The following CCDC62 variants were observed in gnomAD, a reference collection of about 807,000 sequenced individuals.
CCDC62 encodes coiled-coil domain-containing protein 62.
A neutral mutation model predicts 80.8 loss-of-function variants in CCDC62; 72 were observed. That is an observed-to-expected ratio of 0.89 (90% confidence interval 0.74 to 1.08). CCDC62 has a LOEUF of 1.08. Ranked by LOEUF, CCDC62 falls within the 50% of genes least tolerant of loss-of-function variation. The probability of loss-of-function intolerance (pLI) is 0.00; values close to 1 mark genes in which losing one functional copy is unlikely to be tolerated. For synonymous variants in CCDC62, 286 were observed against 296.5 expected (o/e 0.96, Z 0.36); for missense variants, 704 against 809.4 (o/e 0.87, Z 1.58).
chr12:122,818,118 G>A (rs1456390058), intron 11 of CCDC62, among the ~76,000 whole-genome samples: 1 of 151,784 alleles, frequency 6.6e-6, no homozygotes, highest in Non-Finnish European at 1.5e-5. Context: ...GTTCTGCTGG[G>A]GCAACATACC....
At chr12:122,788,678 A>G (rs2030414888) in intron 4 of CCDC62, 80 bp from the exon 5 acceptor site, 1 of 877,846 alleles carries the variant, frequency 1.1e-6, no homozygotes, top group Non-Finnish European at 1.8e-6. Flanking sequence ...GGCACACGAT[A>G]AGATCTTAGT....
Position 122,801,304 on chromosome 12 carries a change from G to A in CCDC62, c.1158G>A (p.Val386=), listed in dbSNP as rs902053245. ...CKEKKQQIDT[V]FGEKSVITLS... is the part of the protein sequence containing the mutation. The stretch of plus-strand genomic sequence containing the variant: ...AGAAGAAACAACAGATCGATACTGT[G>A]TTTGGGGAGAAAAGTGTAATTACGC... The change falls in exon 9 of 13, where the codon GTG becomes GTA. Residue 386 remains valine (V), a synonymous_variant. Coordinates refer to ENST00000253079, the MANE Select transcript of CCDC62 (RefSeq NM_201435.5). 4 of 1,614,002 alleles carry A rather than the reference G, an allele frequency of 2.5e-6. No individual in the cohort carries two copies. Among genetic ancestry groups the A allele is most frequent in the African/African-American group, 1.3e-5 (1 of 74,918 alleles).
intron 10 of CCDC62, among the ~76,000 whole-genome samples, chr12:122,812,951 A>C (rs548031274): frequency 2.6e-5 from 4 of 152,048 alleles, no homozygotes; most frequent in African/African-American, 9.6e-5. Context: ...TAACCCCAGC[A>C]CTTTGGGAGG....
intron 1 of CCDC62, among the ~76,000 whole-genome samples, chr12:122,775,893 G>A (rs761537512): frequency 1.2e-4 from 18 of 152,340 alleles, no homozygotes; most frequent in African/African-American, 2.6e-4. Flanking sequence ...GATTACAGGC[G>A]TGAGCCACTG....
chr12:122,799,487 T>C (rs1365152775), intron 8 of CCDC62, among the ~76,000 whole-genome samples: 2 of 152,254 alleles, frequency 1.3e-5, no homozygotes, highest in African/African-American at 2.4e-5. Context: ...AACTGGATTT[T>C]CCTGCTTGCC....
intron 2 of CCDC62, among the ~76,000 whole-genome samples, chr12:122,780,347 C>T: frequency 6.7e-6 from 1 of 148,612 alleles, no homozygotes; most frequent in East Asian, 2.0e-4. Context: ...GGCATGGTGG[C>T]TCACGCCTGT....
At chr12:122,796,327 G>T (rs1248629780) in intron 6 of CCDC62, among the ~76,000 whole-genome samples, 2 of 151,516 alleles carry the variant, frequency 1.3e-5, no homozygotes, top group South Asian at 2.1e-4. Context: ...TTTTTTTTAA[G>T]AGACAGTGTC....
chr12:122,804,391 G>A (rs1341898898), intron 9 of CCDC62, among the ~76,000 whole-genome samples: 1 of 152,164 alleles, frequency 6.6e-6, no homozygotes, highest in East Asian at 1.9e-4. Context: ...GGAGGCTGAG[G>A]CACAAGAATC....
intron 6 of CCDC62, among the ~76,000 whole-genome samples, chr12:122,796,537 C>G (rs1011142750): frequency 7.9e-5 from 12 of 152,256 alleles, no homozygotes; most frequent in African/African-American, 2.4e-4. Flanking sequence ...GTCAGATGCA[C>G]TACGGATATC....
At chr12:122,791,218 G>A (rs756627171) in intron 5 of CCDC62, among the ~76,000 whole-genome samples, 2 of 152,068 alleles carry the variant, frequency 1.3e-5, no homozygotes, top group Non-Finnish European at 1.5e-5. Context: ...TCAGCTCACT[G>A]CAACCCCCGC....
chr12:122,812,478 C>A (rs560054241), intron 10 of CCDC62, among the ~76,000 whole-genome samples: 28 of 149,674 alleles, frequency 1.9e-4, no homozygotes, highest in Non-Finnish European at 3.8e-4. Context: ...CGGTGGCTCA[C>A]ACTTGTAATC....
At chr12:122,805,187 C>CT (rs35231650) in intron 9 of CCDC62, among the ~76,000 whole-genome samples, 48,795 of 64,886 alleles carry the variant, frequency 0.75, 18,615 homozygotes, top group East Asian at 0.91. Flanking sequence ...AACTGGCCGG[C>CT]TTTTTTTTTT....
intron 5 of CCDC62, 142 bp downstream of exon 5, chr12:122,789,071 T>G: frequency 1.6e-6 from 1 of 628,372 alleles, no homozygotes; most frequent in Non-Finnish European, 2.6e-6. Context: ...TTCATTTATA[T>G]AGGATTATGC....
At chr12:122,786,262 C>A (rs2030222596) in intron 4 of CCDC62, among the ~76,000 whole-genome samples, 1 of 152,172 alleles carries the variant, frequency 6.6e-6, no homozygotes, top group Non-Finnish European at 1.5e-5. Flanking sequence ...ATTCTCCTGC[C>A]TCAGCCTCTT....
Position 122,801,397 on chromosome 12 carries a change from C to G in CCDC62, c.1251C>G (p.Thr417=). The change falls in exon 9 of 13, where the codon ACC becomes ACG. Residue 417 remains threonine (T), a synonymous_variant. Transcript: ENST00000253079. ...HNLPWSLGGK[T]QIEPENKITL... is the part of the protein sequence containing the mutation. ...TCCCTTGGTCTCTGGGAGGAAAAAC[C>G]CAGATTGAACCCGAAAACAAAATTA... The G allele has an allele frequency of 1.2e-6, 2 of 1,614,008 alleles. No individual in the cohort carries two copies. The highest frequency in any genetic ancestry group is 1.7e-6 in the Non-Finnish European group (2 of 1,179,988).
At chr12:122,782,409 G>A (rs2029919055) in intron 3 of CCDC62, among the ~76,000 whole-genome samples, 1 of 152,148 alleles carries the variant, frequency 6.6e-6, no homozygotes. Context: ...TTTCCTCAAA[G>A]ATGAGAGGGT....
intron 3 of CCDC62, among the ~76,000 whole-genome samples, chr12:122,781,845 C>T (rs930617572): frequency 7.3e-5 from 11 of 151,580 alleles, no homozygotes; most frequent in African/African-American, 2.7e-4. Flanking sequence ...CACGACCAGG[C>T]TTGGCAACAT....
chr12:122,818,452 C>CA (rs138729013), intron 11 of CCDC62, among the ~76,000 whole-genome samples: 969 of 61,442 alleles, frequency 0.016, 9 homozygotes, highest in African/African-American at 0.026. Flanking sequence ...GACTCTGTCT[C>CA]AAAAAAAAAA....
intron 5 of CCDC62, 97 bp downstream of exon 5, chr12:122,789,026 A>C: frequency 1.1e-6 from 1 of 925,656 alleles, no homozygotes; most frequent in South Asian, 1.9e-5. Context: ...GAGTAGATCA[A>C]TTCCTGGCCT....
Sources: allele counts gnomAD v4.1 joint callset (sites outside exome capture counted in the v4.1 genomes callset), GRCh38; gene constraint gnomAD v4.1.1; transcripts MANE v1.5; gene names NCBI Gene and HGNC (gene_info 2026-07-23, HGNC 2026-07-21).